HOXA3: variants seen among roughly 807,000 people sequenced by gnomAD.
HOXA3 encodes the protein homeobox A3.
Under a neutral mutation model 30.3 loss-of-function variants are expected in HOXA3, and 8 were observed. The ratio of observed to expected loss-of-function variants is 0.26; its 90% CI spans 0.15 to 0.48. The LOEUF is 0.48. Ranked by LOEUF, HOXA3 falls within the 20% of genes least tolerant of loss-of-function variation. The pLI is 0.99. For missense variants in HOXA3, 653 were observed against 614.4 expected, an observed-to-expected ratio of 1.06 and a Z score of -0.66; for synonymous variants, 323 against 273.1, an observed-to-expected ratio of 1.18 and a Z score of -1.80.
Position 27,110,127 on chromosome 7 carries a change from T to C in HOXA3, c.514A>G (p.Ser172Gly). 1.9e-6 allele frequency: 3 copies of C among 1,614,202 alleles called. No homozygotes were observed. The highest frequency in any genetic ancestry group is 2.5e-6 in the Non-Finnish European group (3 of 1,180,036). ...SRQNTKQKTS[S>G]SSSGESCAGD... ...GGCACTCCTTTACCTGAGCTGGAGC[T>C]GCTGGTTTTCTGCTTTGTGTTTTGT... is the stretch of plus-strand genomic sequence containing the variant. The change falls in exon 5 of 6, where the codon AGC becomes GGC. Residue 172 changes from serine to glycine, a missense_variant. Around this residue, in one of 3 missense-constraint regions of HOXA3, gnomAD observed 320 missense variants for 321.9 expected, o/e 0.99. Coordinates refer to ENST00000612286, the MANE Select transcript of HOXA3 (RefSeq NM_153631.3).
intron 2 of HOXA3, chr7:27,130,818 C>T: frequency 3.0e-6 from 4 of 1,340,254 alleles, no homozygotes; most frequent in Non-Finnish European, 4.2e-6. Flanking sequence ...TCCTGCCTCG[C>T]TTCCCATCCC....
At chr7:27,145,416 C>T (rs1007628772) in intron 1 of HOXA3, 2 of 608,728 alleles carry the variant, frequency 3.3e-6, no homozygotes, top group East Asian at 5.8e-5. Flanking sequence ...CAGTGCGCCC[C>T]GCTCCACCGC....
chr7:27,112,061 C>A (rs910912619), intron 4 of HOXA3, among the ~76,000 whole-genome samples: 1 of 152,176 alleles, frequency 6.6e-6, no homozygotes, highest in Non-Finnish European at 1.5e-5. Context: ...CCTCCTCAAC[C>A]CTCTTTCATT....
At chr7:27,111,860 C>A (rs929825183) in intron 4 of HOXA3, among the ~76,000 whole-genome samples, 3 of 152,134 alleles carry the variant, frequency 2.0e-5, no homozygotes, top group African/African-American at 7.2e-5. Flanking sequence ...TTAGAAACTG[C>A]TATGTAATTT....
chr7:27,119,354 C>T (rs1312720728), intron 4 of HOXA3, among the ~76,000 whole-genome samples: 1 of 152,002 alleles, frequency 6.6e-6, no homozygotes, highest in East Asian at 1.9e-4. Flanking sequence ...GAGAAAGAGC[C>T]CCCTTCAGAA....
intron 2 of HOXA3, among the ~76,000 whole-genome samples, chr7:27,139,437 C>G (rs1785828385): frequency 6.6e-6 from 1 of 152,204 alleles, no homozygotes; most frequent in African/African-American, 2.4e-5. Context: ...AGGTGCAGCC[C>G]CAGCCTCGCC....
At chr7:27,145,816 G>A (rs751072208) in intron 1 of HOXA3, 2 of 1,614,272 alleles carry the variant, frequency 1.2e-6, no homozygotes, top group Non-Finnish European at 1.7e-6. Context: ...CGGCGGCGCC[G>A]TGTCAGGTAG....
chr7:27,141,666 T>C, intron 1 of HOXA3: 1 of 753,044 alleles, frequency 1.3e-6, no homozygotes, highest in Admixed American at 3.0e-5. Context: ...GATCTACTTA[T>C]ACAGGCGCTA....
intron 1 of HOXA3, chr7:27,143,116 G>C (rs965111568): frequency 1.3e-6 from 2 of 1,596,650 alleles, no homozygotes; most frequent in African/African-American, 1.4e-5. Context: ...GGCTCGGCTC[G>C]CTCTGCGCAC....
chr7:27,133,312 A>T (rs915989729), intron 2 of HOXA3, among the ~76,000 whole-genome samples: 12 of 152,246 alleles, frequency 7.9e-5, no homozygotes, highest in African/African-American at 2.9e-4. Context: ...TTTAAAAAAA[A>T]TACCTCTTGC....
intron 1 of HOXA3, among the ~76,000 whole-genome samples, chr7:27,144,991 G>A (rs1782699015): frequency 6.6e-6 from 1 of 152,182 alleles, no homozygotes; most frequent in African/African-American, 2.4e-5. Context: ...TGTTCCACCC[G>A]CGCCCAGGTT....
In HOXA3 at chr7:27,107,885, C is replaced by A; in HGVS notation, c.*30G>T. ...AAGAAAAAAGGTGGGTGGGGGGAGA[C>A]TCTCCTGGCGCGTAGCCCCAAGCCC... On this transcript the variant is annotated 3_prime_UTR_variant, in exon 6 of 6. Transcript: ENST00000612286. 13 of 1,186,588 alleles carry A rather than the reference C, an allele frequency of 1.1e-5. No homozygotes were observed. The highest frequency in any genetic ancestry group is 1.4e-5 in the Non-Finnish European group (12 of 880,538). The allele number at this position is 1,186,588 out of a possible 1,614,324, so 73.5% of individuals were successfully genotyped here. A position where few individuals can be genotyped will look rare whatever the true frequency, so the allele number is the denominator to read the frequency against.
rs933098061 is a variant in HOXA3 at position 27,139,701 on chromosome 7, A to G, written c.-390+382T>C. On this transcript the variant is annotated intron_variant, in intron 2 of 5. Coordinates refer to ENST00000612286, the MANE Select transcript of HOXA3 (RefSeq NM_153631.3). ...CCGACCCCAGGGCTCCGCGACCCCC[A>G]GGAGCTGGCCCCGGCCGGCCCAGCA... Among the ~76,000 whole-genome samples the G allele has an allele frequency of 4.2e-4, 64 of 151,972 alleles. 1 individual carries two copies. Among genetic ancestry groups the G allele is most frequent in the Non-Finnish European group, 9.0e-4 (61 of 67,990 alleles).
At chr7:27,151,553 C>T (rs1192318514) in intron 1 of HOXA3, 3 of 456,594 alleles carry the variant, frequency 6.6e-6, no homozygotes, top group South Asian at 3.1e-5. Context: ...CCCAATTAAT[C>T]CCATCCTCTC....
At position 27,108,674 on chromosome 7, in the gene HOXA3, G is replaced by A. The variant is rs779694009; in HGVS notation, c.573C>T (p.Ser191=). The A allele has an allele frequency of 1.9e-6, 3 of 1,610,396 alleles. No homozygotes were observed. The highest frequency in any genetic ancestry group is 1.1e-5 in the South Asian group (1 of 90,994). ...TCGTGTAGGCCGTGCGCGCGCGCTT[G>A]GACGAAGCCTGCCCCGGCGGGCTCT... The part of the protein sequence containing the change: ...GDKSPPGQAS[S]KRARTAYTSA... The change falls in exon 6 of 6, where the codon TCC becomes TCT. Residue 191 remains serine (S), a synonymous_variant. Transcript: ENST00000612286. This position sits in a 1 kb window ranked among gnomAD's most constrained non-coding sequence, Gnocchi z 5.0.
At chr7:27,130,610 A>G (rs1182655419) in intron 2 of HOXA3, 1 of 1,544,928 alleles carries the variant, frequency 6.5e-7, no homozygotes, top group Non-Finnish European at 8.7e-7. Context: ...GGCTGCTGGT[A>G]GCCGGGGCCC....
intron 3 of HOXA3, among the ~76,000 whole-genome samples, chr7:27,125,399 G>C (rs1415116519): frequency 6.6e-6 from 1 of 152,234 alleles, no homozygotes; most frequent in Non-Finnish European, 1.5e-5. Flanking sequence ...GCTTGAAAGG[G>C]AAGGGGTTGC....
chr7:27,143,072 C>A, intron 1 of HOXA3: 1 of 1,541,172 alleles, frequency 6.5e-7, no homozygotes, highest in South Asian at 1.3e-5. Flanking sequence ...CTTGCGCATC[C>A]AGGGGTAGAT....
At chr7:27,133,475 A>G (rs552854604) in intron 2 of HOXA3, among the ~76,000 whole-genome samples, 3 of 152,276 alleles carry the variant, frequency 2.0e-5, no homozygotes, top group African/African-American at 7.2e-5. Flanking sequence ...TCACACACCA[A>G]CTGGCTCCAG....
Sources: gnomAD v4.1 joint callset for allele counts (sites outside exome capture counted in the v4.1 genomes callset) on GRCh38, gnomAD v4.1.1 for gene constraint, gnomAD v4.1.1 regional missense constraint, Gnocchi (gnomAD v3.1) non-coding constraint, MANE v1.5 for transcripts, NCBI Gene and HGNC (gene_info 2026-07-23, HGNC 2026-07-21) for gene names.